HPS5: variants seen among roughly 807,000 people sequenced by gnomAD.
HPS5 encodes the protein BLOC-2 complex member HPS5.
A neutral mutation model predicts 128.0 loss-of-function variants in HPS5; 83 were observed. The observed-to-expected ratio is 0.65, with a 90% confidence interval of 0.54 to 0.78. The LOEUF is 0.78. Ranked by LOEUF, HPS5 falls within the 30% of genes least tolerant of loss-of-function variation. The pLI, the probability that HPS5 is intolerant of heterozygous loss-of-function variation, is 0.00. For missense variants in HPS5, 1,281 were observed against 1,326.2 expected (o/e 0.97, Z 0.53); for synonymous variants, 475 against 470.2 (o/e 1.01, Z -0.13).
intron 6 of HPS5, among the ~76,000 whole-genome samples, chr11:18,307,851 A>G (rs1308727755): frequency 6.6e-6 from 1 of 152,220 alleles, no homozygotes; most frequent in African/African-American, 2.4e-5. Context: ...TGTCCCCAAA[A>G]GCTGAATTCT....
At chr11:18,298,605 G>A (rs11024609) in intron 10 of HPS5, among the ~76,000 whole-genome samples, 187 bp downstream of exon 10, 1 of 152,014 alleles carries the variant, frequency 6.6e-6, no homozygotes, top group Non-Finnish European at 1.5e-5. Context: ...AATGAAAATT[G>A]TACCCTCTTT....
At chr11:18,315,757 T>G (rs1018905604) in intron 2 of HPS5, among the ~76,000 whole-genome samples, 3 of 152,246 alleles carry the variant, frequency 2.0e-5, no homozygotes, top group Middle Eastern at 3.4e-3. Context: ...CATGCCCAGA[T>G]AGACTTTTCA....
chr11:18,300,715 A>AGT, intron 9 of HPS5, 113 bp downstream of exon 9: 1 of 573,244 alleles, frequency 1.7e-6, no homozygotes. Flanking sequence ...AAAAAAAAAA[A>AGT]AAAAAGTCAT....
chr11:18,293,042 G>A, intron 14 of HPS5, 66 bp from the exon 15 acceptor site: 1 of 1,234,644 alleles, frequency 8.1e-7, no homozygotes, highest in Non-Finnish European at 1.2e-6. Flanking sequence ...CTTTTTTTGA[G>A]ACAGGGTCTC....
intron 22 of HPS5, among the ~76,000 whole-genome samples, chr11:18,281,275 G>A (rs1159649908): frequency 7.1e-6 from 1 of 140,682 alleles, no homozygotes; most frequent in African/African-American, 2.6e-5. Context: ...TTTTTTTTTA[G>A]TAGAGACAGG....
At position 18,298,605 on chromosome 11, in the gene HPS5, G is replaced by T. The variant is rs11024609; in HGVS notation, c.1164+187C>A. Among the ~76,000 whole-genome samples the T allele has an allele frequency of 0.14, 20,851 of 152,086 alleles. 1,534 individuals carry two copies. The highest frequency in any genetic ancestry group is 0.18 in the African/African-American group (7,616 of 41,458). ...AAATTTGATGTTTTAAATGAAAATT[G>T]TACCCTCTTTCTTACCCTCTATCCA... On this transcript the variant is annotated intron_variant, in intron 10 of 22. Coordinates refer to ENST00000349215, the MANE Select transcript of HPS5 (RefSeq NM_181507.2).
intron 10 of HPS5, 135 bp from the exon 11 acceptor site, chr11:18,297,852 G>A (rs1168493970): frequency 2.5e-6 from 2 of 795,364 alleles, no homozygotes; most frequent in African/African-American, 1.7e-5. Context: ...GGCCGAGGCG[G>A]GCAGATCCCC....
At chr11:18,287,720 C>CT in intron 17 of HPS5, 30 bp from the exon 18 acceptor site, 1 of 1,609,978 alleles carries the variant, frequency 6.2e-7, no homozygotes, top group Non-Finnish European at 8.5e-7. Flanking sequence ...ACTTTAGTCT[C>CT]TAATTTCAGT....
intron 20 of HPS5, 48 bp downstream of exon 20, chr11:18,285,298 T>TA: frequency 1.7e-6 from 2 of 1,185,222 alleles, no homozygotes; most frequent in Non-Finnish European, 2.5e-6. Context: ...AGTTGTTAAC[T>TA]GAAATGTTTC....
At chr11:18,281,544 C>T (rs1323552116) in intron 22 of HPS5, among the ~76,000 whole-genome samples, 1 of 150,202 alleles carries the variant, frequency 6.7e-6, no homozygotes, top group East Asian at 2.0e-4. Flanking sequence ...GGACTACAGG[C>T]ACGTGCCACC....
intron 2 of HPS5, among the ~76,000 whole-genome samples, chr11:18,315,249 C>T (rs528544021): frequency 1.3e-5 from 2 of 152,202 alleles, no homozygotes; most frequent in Admixed American, 6.5e-5. Flanking sequence ...AACCTTGTCT[C>T]GTTTCCACCT....
In HPS5 at chr11:18,292,929, T is replaced by C. The variant is rs776047415; in HGVS notation, c.1832A>G (p.Gln611Arg). 1 of 1,614,114 alleles carries C rather than the reference T, an allele frequency of 6.2e-7. No homozygotes were observed. Among genetic ancestry groups the C allele is most frequent in the Admixed American group, 1.7e-5 (1 of 60,032 alleles). The change falls in exon 15 of 23, where the codon CAG becomes CGG. Residue 611 changes from glutamine (Q) to arginine (R), a missense_variant. Gln to Arg is a conservative substitution (Grantham distance 43). Coordinates refer to ENST00000349215, the MANE Select transcript of HPS5 (RefSeq NM_181507.2). ...TSPPPEEDRF[Q>R]ELKVATAEAM... ...TTCTGCTGTTGCTACTTTAAGCTCCTGGAACCTGTCTTCTTCTGGAGGTGG... is the reference window on the plus strand; with the variant it reads ...TTCTGCTGTTGCTACTTTAAGCTCCCGGAACCTGTCTTCTTCTGGAGGTGG...
intron 8 of HPS5, among the ~76,000 whole-genome samples, chr11:18,301,194 G>A (rs1204057201): frequency 6.6e-6 from 1 of 152,050 alleles, no homozygotes; most frequent in Non-Finnish European, 1.5e-5. Context: ...AGTGGCTCAC[G>A]CCTGTAGTCC....
At chr11:18,300,696 CA>C (rs531315010) in intron 9 of HPS5, 131 bp downstream of exon 9, 8,250 of 382,694 alleles carry the variant, frequency 0.022, no homozygotes, top group Middle Eastern at 0.05. Context: ...GACTTAGTCT[CA>C]AAAAAAAAAA....
In HPS5 at chr11:18,305,402, T is replaced by C. The variant is rs1352491811; in HGVS notation, c.896+20A>G. 1.3e-6 allele frequency: 2 copies of C among 1,513,342 alleles called. No individual in the cohort carries two copies. The highest frequency in any genetic ancestry group is 1.8e-6 in the Non-Finnish European group (2 of 1,088,806). The allele number at this position is 1,513,342 out of a possible 1,614,324, so 93.7% of individuals were successfully genotyped here. On this transcript the variant is annotated intron_variant, in intron 8 of 22. Transcript: ENST00000349215. Reference sequence around the variant, plus strand: ...AAGTATTCTTTTTCCCCCCCAGAACTAAGGAAAGTAGAAACTTACCTAAGA... The same window carrying C: ...AAGTATTCTTTTTCCCCCCCAGAACCAAGGAAAGTAGAAACTTACCTAAGA...
chr11:18,317,619 T>TC (rs772609447), intron 2 of HPS5, 132 bp downstream of exon 2: 212 of 842,814 alleles, frequency 2.5e-4, no homozygotes, highest in Middle Eastern at 8.9e-4. Flanking sequence ...TTCTTTTTTT[T>TC]CCCCCACAAA....
In HPS5 at chr11:18,279,882, C is replaced by T. The variant is rs752392025; in HGVS notation, c.3390G>A (p.Ter1130=). 1 of 1,613,680 alleles carries T rather than the reference C, an allele frequency of 6.2e-7. No individual in the cohort carries two copies. The highest frequency in any genetic ancestry group is 1.7e-5 in the Admixed American group (1 of 60,030). Residue 1130 remains the stop codon, a stop_retained_variant, in exon 23 of 23, where the codon TAG becomes TAA. Coordinates refer to ENST00000349215, the MANE Select transcript of HPS5 (RefSeq NM_181507.2). ...TGACATCCTGCTGAATCTTCTCCCACTAGGCCTGCTGGGACCAGAGAAACC... is the reference window on the plus strand; with the variant it reads ...TGACATCCTGCTGAATCTTCTCCCATTAGGCCTGCTGGGACCAGAGAAACC... ...CDRFLWSQQA[*] is the part of the protein sequence containing the mutation.
In HPS5 at chr11:18,317,814, A is replaced by G. The variant is rs1863827978; in HGVS notation, c.45T>C (p.Leu15=). Residue 15 remains leucine, a synonymous_variant, in exon 2 of 23, where the codon CTT becomes CTC. Coordinates refer to ENST00000349215, the MANE Select transcript of HPS5 (RefSeq NM_181507.2). ...PVIPESYSHV[L]AEFESLDPLL... ...ATGGATCCAGAGATTCAAACTCTGC[A>G]AGAACATGGCTGTAGGACTCTGGTA... 2 of 1,613,822 alleles carry G rather than the reference A, an allele frequency of 1.2e-6. No homozygotes were observed. Among genetic ancestry groups the G allele is most frequent in the Admixed American group, 1.7e-5 (1 of 59,992 alleles).
At chr11:18,315,157 G>A (rs915392021) in intron 2 of HPS5, among the ~76,000 whole-genome samples, 1 of 152,112 alleles carries the variant, frequency 6.6e-6, no homozygotes, top group Non-Finnish European at 1.5e-5. Flanking sequence ...GGGTTATTGG[G>A]GCTCAGCAAC....
Sources: allele counts gnomAD v4.1 joint callset (sites outside exome capture counted in the v4.1 genomes callset), GRCh38; gene constraint gnomAD v4.1.1; transcripts MANE v1.5; gene names NCBI Gene and HGNC (gene_info 2026-07-23, HGNC 2026-07-21).